The following SP4 variants were observed in gnomAD, a reference collection of about 807,000 sequenced individuals.
SP4 encodes the protein transcription factor Sp4.
A neutral mutation model predicts 72.8 loss-of-function variants in SP4; 19 were observed. The ratio of observed to expected loss-of-function variants is 0.26; its 90% CI spans 0.18 to 0.38. The LOEUF (loss-of-function observed/expected upper bound fraction) is 0.38, where lower values mean the gene tolerates loss of function less well. SP4 is among the 10% of genes least tolerant of loss of function. The probability of loss-of-function intolerance (pLI) is 1.00; values close to 1 mark genes in which losing one functional copy is unlikely to be tolerated. For missense variants in SP4, 1,008 were observed against 926.3 expected, an observed-to-expected ratio of 1.09 and a Z score of -1.14; for synonymous variants, 395 against 333.1, an observed-to-expected ratio of 1.19 and a Z score of -2.02.
chr7:21,464,213 T>G (rs1213247785), intron 3 of SP4, among the ~76,000 whole-genome samples: 1 of 151,072 alleles, frequency 6.6e-6, no homozygotes, highest in African/African-American at 2.4e-5. Context: ...TCTCCTGCCT[T>G]AGCCTCCCGA....
chr7:21,514,357 G>GT lies in SP4; in HGVS notation c.*3095dup, dbSNP rs980373281. 1.3e-5 allele frequency: 2 copies of GT among 152,418 alleles called. No individual in the cohort carries two copies. Among genetic ancestry groups the GT allele is most frequent in the Non-Finnish European group, 1.5e-5 (1 of 67,972 alleles). The allele number at this position is 152,418 out of a possible 1,614,324, so 9.4% of individuals were successfully genotyped here. On this transcript the variant is annotated 3_prime_UTR_variant, in exon 6 of 6. Transcript: ENST00000222584. ...AGTCTCCATTTTAATGCCTTGTGGT[G>GT]TTTTTTTATGCATGTCACTAAGTTG...
intron 3 of SP4, among the ~76,000 whole-genome samples, chr7:21,475,575 GCCT>G (rs1784476506): frequency 6.6e-6 from 1 of 151,378 alleles, no homozygotes; most frequent in Non-Finnish European, 1.5e-5. Context: ...TCCTTCCTAA[GCCT>G]CCTGAGTAGC....
chr7:21,480,046 C>T (rs988964803), intron 4 of SP4, among the ~76,000 whole-genome samples: 3 of 151,996 alleles, frequency 2.0e-5, no homozygotes, highest in East Asian at 1.9e-4. Context: ...TGTATAAGGT[C>T]ATGGAATCTG....
At chr7:21,499,464 A>G (rs1026318297) in intron 5 of SP4, among the ~76,000 whole-genome samples, 2 of 152,196 alleles carry the variant, frequency 1.3e-5, no homozygotes, top group African/African-American at 4.8e-5. Context: ...AAGTCCAGGC[A>G]AAGACAAAGG....
intron 5 of SP4, among the ~76,000 whole-genome samples, chr7:21,495,135 A>G (rs572521217): frequency 6.6e-6 from 1 of 152,364 alleles, no homozygotes; most frequent in South Asian, 2.1e-4. Flanking sequence ...AGCTTTTTGA[A>G]TAAAATATAG....
chr7:21,470,102 A>G (rs1371389150), intron 3 of SP4, among the ~76,000 whole-genome samples: 2 of 152,176 alleles, frequency 1.3e-5, no homozygotes, highest in South Asian at 4.1e-4. Context: ...ACCCATGTGC[A>G]TGTGTATTGT....
chr7:21,463,822 C>T (rs192467572), intron 3 of SP4, among the ~76,000 whole-genome samples: 2 of 152,230 alleles, frequency 1.3e-5, no homozygotes, highest in African/African-American at 2.4e-5. Flanking sequence ...ATCATCATCA[C>T]TCAAATTAGA....
intron 3 of SP4, among the ~76,000 whole-genome samples, chr7:21,433,340 T>A (rs1782929753): frequency 6.6e-6 from 1 of 152,148 alleles, no homozygotes; most frequent in Non-Finnish European, 1.5e-5. Context: ...GATTTAAAAT[T>A]TTGTCGATGT....
At chr7:21,457,354 C>T (rs1246603069) in intron 3 of SP4, among the ~76,000 whole-genome samples, 1 of 152,028 alleles carries the variant, frequency 6.6e-6, no homozygotes, top group African/African-American at 2.4e-5. Context: ...AGTAATGGTT[C>T]GTTATACTAC....
At chr7:21,453,574 C>G (rs899280732) in intron 3 of SP4, among the ~76,000 whole-genome samples, 7 of 152,176 alleles carry the variant, frequency 4.6e-5, no homozygotes, top group African/African-American at 1.4e-4. Context: ...ACAAATACAG[C>G]CCAAAGAAAG....
At position 21,468,307 on chromosome 7, in the gene SP4, C is replaced by T. The variant is rs184802556; in HGVS notation, c.1679-8772C>T. Among the ~76,000 whole-genome samples the T allele has an allele frequency of 2.2e-3, 339 of 152,130 alleles. 4 individuals are homozygous for T. The highest frequency in any genetic ancestry group is 9.4e-4 in the Non-Finnish European group (64 of 67,936). On this transcript the variant is annotated intron_variant, in intron 3 of 5. Coordinates refer to ENST00000222584, the MANE Select transcript of SP4 (RefSeq NM_003112.5). ...TTAGCAGACTTTCATGGAAAAGTTT[C>T]GAATTAAATTTGTGATTGCATTCAC...
intron 3 of SP4, among the ~76,000 whole-genome samples, chr7:21,434,038 C>T (rs1358272797): frequency 6.6e-6 from 1 of 152,132 alleles, no homozygotes; most frequent in African/African-American, 2.4e-5. Flanking sequence ...GTACCCATAT[C>T]GCCCTTTTAT....
At chr7:21,472,239 G>A (rs1176745188) in intron 3 of SP4, among the ~76,000 whole-genome samples, 2 of 152,040 alleles carry the variant, frequency 1.3e-5, no homozygotes, top group Admixed American at 1.3e-4. Context: ...ACCCTGGAGA[G>A]TGGCCTAGGA....
At chr7:21,506,759 A>G (rs1277073064) in intron 5 of SP4, among the ~76,000 whole-genome samples, 1 of 152,196 alleles carries the variant, frequency 6.6e-6, no homozygotes, top group Non-Finnish European at 1.5e-5. Context: ...GCATTGCCCT[A>G]CTGGGTCCTC....
intron 3 of SP4, among the ~76,000 whole-genome samples, chr7:21,465,566 T>C (rs1784141782): frequency 6.6e-6 from 1 of 152,024 alleles, no homozygotes; most frequent in African/African-American, 2.4e-5. Flanking sequence ...TAAGTGCGAG[T>C]GATTATTGTG....
At chr7:21,428,646 C>G in intron 1 of SP4, 31 bp from the exon 2 acceptor site, 1 of 1,511,192 alleles carries the variant, frequency 6.6e-7, no homozygotes, top group Non-Finnish European at 9.0e-7. Context: ...AACCTGTTGT[C>G]GTGTGTGTGT....
Position 21,430,161 on chromosome 7 carries a change from G to C in SP4, c.996G>C (p.Leu332Phe). The C allele has an allele frequency of 6.2e-7, 1 of 1,614,154 alleles. No homozygotes were observed. Among genetic ancestry groups the C allele is most frequent in the Non-Finnish European group, 8.5e-7 (1 of 1,180,030 alleles). The part of the protein sequence containing the change: ...TTCTTTASTS[L>F]TSSDTLVSSA... ...GCACAACCACTGCTTCAACGTCTTT[G>C]ACAAGCAGTGACACATTAGTGAGCT... is the stretch of plus-strand genomic sequence containing the variant. Residue 332 changes from leucine to phenylalanine, a missense_variant, in exon 3 of 6, where the codon TTG becomes TTC. Physicochemically the swap from Leu to Phe is conservative, Grantham distance 22 (BLOSUM62 0). Transcript: ENST00000222584.
At chr7:21,478,052 C>G (rs1033017508) in intron 4 of SP4, among the ~76,000 whole-genome samples, 2 of 152,166 alleles carry the variant, frequency 1.3e-5, no homozygotes, top group African/African-American at 4.8e-5. Flanking sequence ...TTATCCCAAT[C>G]CTTCCATCCT....
chr7:21,448,168 T>G (rs1405687261), intron 3 of SP4, among the ~76,000 whole-genome samples: 4 of 152,226 alleles, frequency 2.6e-5, no homozygotes, highest in African/African-American at 4.8e-5. Context: ...TTAACAAATA[T>G]TTAGTTACCC....
Sources: allele counts gnomAD v4.1 joint callset (sites outside exome capture counted in the v4.1 genomes callset), GRCh38; gene constraint gnomAD v4.1.1; transcripts MANE v1.5; gene names NCBI Gene and HGNC (gene_info 2026-07-23, HGNC 2026-07-21).